CASP2: variants seen among roughly 807,000 people sequenced by gnomAD.
CASP2 encodes the protein caspase-2.
CASP2 carries 38 observed loss-of-function variants against 54.4 expected under a neutral mutation model. That is an observed-to-expected ratio of 0.70 (90% confidence interval 0.54 to 0.92). The LOEUF (loss-of-function observed/expected upper bound fraction) is 0.92, where lower values mean the gene tolerates loss of function less well. Ranked by LOEUF, CASP2 falls within the 40% of genes least tolerant of loss-of-function variation. The probability of loss-of-function intolerance (pLI) is 0.00; values close to 1 mark genes in which losing one functional copy is unlikely to be tolerated. For missense variants in CASP2, 512 were observed against 579.6 expected (o/e 0.88, Z 1.20); for synonymous variants, 215 against 216.3 (o/e 0.99, Z 0.05).
chr7:143,300,886 T>A (rs1040853315), intron 8 of CASP2: 24 of 1,082,034 alleles, frequency 2.2e-5, no homozygotes, highest in Non-Finnish European at 2.7e-5. Context: ...TTTACTCCTT[T>A]AAGAGCCAGG....
chr7:143,292,398 G>A lies in CASP2; in HGVS notation c.324G>A (p.Glu108=). Residue 108 remains glutamate (E), a synonymous_variant, in exon 3 of 11, where the codon GAG becomes GAA. Coordinates refer to ENST00000310447, the MANE Select transcript of CASP2 (RefSeq NM_032982.4). ...AFDAFCEALR[E]TKQGHLEDML... ...ATGCCTTCTGTGAAGCACTGAGGGA[G>A]ACCAAGCAAGGCCACCTGGAGGATA... 2 of 1,614,160 alleles carry A rather than the reference G, an allele frequency of 1.2e-6. No homozygotes were observed. The highest frequency in any genetic ancestry group is 1.7e-6 in the Non-Finnish European group (2 of 1,180,028).
rs1232830828 is a variant in CASP2 at position 143,293,216 on chromosome 7, C to T, written c.475+518C>T. 1.2e-5 allele frequency: 7 copies of T among 586,300 alleles called. No individual in the cohort carries two copies. The East Asian group carries it at 1.2e-4, about 10-fold the overall frequency. 36.3% of individuals were successfully genotyped at this position (586,300 alleles called of 1,614,324 possible). On this transcript the variant is annotated intron_variant, in intron 4 of 10. Transcript: ENST00000310447. ...CACCATAGCTCACTGCAGCGTTGAACTCCTGGGTTGAAGGGCTCCTCCTGC... is the reference window on the plus strand; with the variant it reads ...CACCATAGCTCACTGCAGCGTTGAATTCCTGGGTTGAAGGGCTCCTCCTGC...
intron 1 of CASP2, among the ~76,000 whole-genome samples, chr7:143,290,055 C>CTTTTTTTTTTTTTT: frequency 8.7e-6 from 1 of 114,520 alleles, no homozygotes; most frequent in Non-Finnish European, 1.7e-5. Flanking sequence ...TTTTCCCTCC[C>CTTTTTTTTTTTTTT]TTTTTTTTTT....
intron 6 of CASP2, among the ~76,000 whole-genome samples, chr7:143,296,073 G>GACAT (rs1801737732): frequency 2.6e-5 from 4 of 152,152 alleles, no homozygotes; most frequent in African/African-American, 4.8e-5. Context: ...AGCTGATAAA[G>GACAT]GATCTTACAT....
intron 5 of CASP2, 101 bp from the exon 6 acceptor site, chr7:143,294,493 TAAG>T (rs1801683859): frequency 1.6e-6 from 2 of 1,242,136 alleles, no homozygotes; most frequent in Non-Finnish European, 2.4e-6. Context: ...TGCTGGAGGT[TAAG>T]AAGAAAAATA....
rs538618397 is a variant in CASP2, at chr7:143,293,485, AGTTTAT to A, written c.476-743_476-738del. Among the ~76,000 whole-genome samples the A allele has an allele frequency of 3.3e-3, 499 of 150,752 alleles. 1 individual carries two copies. Among genetic ancestry groups the A allele is most frequent in the Middle Eastern group, 0.01 (3 of 286 alleles). On this transcript the variant is annotated intron_variant, in intron 4 of 10. Coordinates refer to ENST00000310447, the MANE Select transcript of CASP2 (RefSeq NM_032982.4). ...TAAATTTGTTAAGGGCTAGTAGGAC[AGTTTAT>A]GCAGGAGTTTGTGGTTTTTTGTTTT...
At chr7:143,299,212 G>A (rs1801844089) in intron 6 of CASP2, among the ~76,000 whole-genome samples, 2 of 152,004 alleles carry the variant, frequency 1.3e-5, no homozygotes, top group Admixed American at 6.5e-5. Context: ...CACAAACTTA[G>A]AGAAAATATC....
At chr7:143,300,722 T>C (rs902172253) in intron 8 of CASP2, 12 of 1,194,176 alleles carry the variant, frequency 1.0e-5, no homozygotes, top group Non-Finnish European at 1.3e-5. Context: ...TTCCATATAC[T>C]TCCCTGTTTA....
intron 6 of CASP2, chr7:143,298,681 T>G (rs988994267): frequency 2.0e-5 from 3 of 152,122 alleles, no homozygotes; most frequent in Non-Finnish European, 2.9e-5. Flanking sequence ...GACCACCAGG[T>G]TGCCTAAGGA....
intron 4 of CASP2, among the ~76,000 whole-genome samples, chr7:143,293,505 G>GTTTTTTTTTTTTTTTTTTTTTTTTTTT: frequency 6.7e-6 from 1 of 149,420 alleles, no homozygotes; most frequent in Non-Finnish European, 1.5e-5. Context: ...GGAGTTTGTG[G>GTTTTTTTTTTTTTTTTTTTTTTTTTTT]TTTTTTGTTT....
intron 2 of CASP2, 48 bp from the exon 3 acceptor site, chr7:143,292,252 A>G: frequency 6.3e-7 from 1 of 1,589,654 alleles, no homozygotes; most frequent in South Asian, 1.1e-5. Context: ...AAATAGAATT[A>G]TAGCTAGAGA....
At chr7:143,299,824 T>G (rs1801862261) in intron 6 of CASP2, 99 bp from the exon 7 acceptor site, 18 of 1,378,966 alleles carry the variant, frequency 1.3e-5, no homozygotes, top group Non-Finnish European at 1.8e-5. Flanking sequence ...ATAAAGCGTT[T>G]TATCTTCTAA....
In CASP2 at chr7:143,305,232, T is replaced by C; in HGVS notation, c.*161T>C. On this transcript the variant is annotated 3_prime_UTR_variant, in exon 11 of 11. Coordinates refer to ENST00000310447, the MANE Select transcript of CASP2 (RefSeq NM_032982.4). ...TGCCCATCATCTCTGCCTTTGAGTG[T>C]GGGACTCCAGGCCAGCTCCTTTTCT... 3 of 916,794 alleles carry C rather than the reference T, an allele frequency of 3.3e-6. No individual in the cohort carries two copies. The South Asian group carries it at 4.3e-5, about 13-fold the overall frequency. The allele number at this position is 916,794 out of a possible 1,614,324, so 56.8% of individuals were successfully genotyped here. A position where few individuals can be genotyped will look rare whatever the true frequency, so the allele number is the denominator to read the frequency against.
rs1306392397 is a variant in CASP2, at chr7:143,291,521, T to G, written c.75-19T>G. The G allele has an allele frequency of 1.9e-6, 3 of 1,613,788 alleles. No homozygotes were observed. The highest frequency in any genetic ancestry group is 2.5e-6 in the Non-Finnish European group (3 of 1,179,808). On this transcript the variant is annotated intron_variant, in intron 1 of 10. Transcript: ENST00000310447. Reference sequence around the variant, plus strand: ...CAAATTGTGACTTGACAGCCTTTCCTTCTACCGTTTATCTGTAGGATATTG... The same window carrying G: ...CAAATTGTGACTTGACAGCCTTTCCGTCTACCGTTTATCTGTAGGATATTG...
At chr7:143,296,454 G>A (rs4647310) in intron 6 of CASP2, among the ~76,000 whole-genome samples, 60 of 152,318 alleles carry the variant, frequency 3.9e-4, no homozygotes, top group Non-Finnish European at 7.5e-4. Context: ...AAGAAGAAGC[G>A]CCTAGGTAGA....
chr7:143,294,170 C>T (rs1801673419), intron 4 of CASP2, 60 bp from the exon 5 acceptor site: 2 of 915,278 alleles, frequency 2.2e-6, no homozygotes, highest in South Asian at 2.6e-5. Flanking sequence ...GTTACAATGA[C>T]ATATTAAGAT....
At chr7:143,301,108 TG>T (rs748765503) in intron 8 of CASP2, 4 of 186,786 alleles carry the variant, frequency 2.1e-5, no homozygotes, top group Non-Finnish European at 4.1e-5. Context: ...GTGCTTGTGA[TG>T]GTTAAATGAG....
In CASP2 at chr7:143,307,130, A is replaced by C. The variant is rs1802087505; in HGVS notation, c.*2059A>C. On this transcript the variant is annotated 3_prime_UTR_variant, in exon 11 of 11. Transcript: ENST00000310447. The stretch of plus-strand genomic sequence containing the variant: ...TGAGCAGTCTACTTCTGTGTCTGTC[A>C]CCACATCTTGTCTTTTCCCCTCATT... The C allele has an allele frequency of 6.6e-6, 1 of 152,170 alleles. No individual in the cohort carries two copies. Among genetic ancestry groups the C allele is most frequent in the African/African-American group, 2.4e-5 (1 of 41,424 alleles). 9.4% of individuals were successfully genotyped at this position (152,170 alleles called of 1,614,324 possible).
chr7:143,301,013 G>A (rs906577551), intron 8 of CASP2: 5 of 781,888 alleles, frequency 6.4e-6, no homozygotes, highest in Admixed American at 5.3e-5. Flanking sequence ...TACTAGTAAC[G>A]TGAAGTTAAA....
Sources: gnomAD v4.1 joint callset for allele counts (sites outside exome capture counted in the v4.1 genomes callset) on GRCh38, gnomAD v4.1.1 for gene constraint, MANE v1.5 for transcripts, NCBI Gene and HGNC (gene_info 2026-07-23, HGNC 2026-07-21) for gene names.